TMEM170B: variants seen among roughly 807,000 people sequenced by gnomAD.
TMEM170B encodes transmembrane protein 170B.
A neutral mutation model predicts 13.0 loss-of-function variants in TMEM170B; 6 were observed. The ratio of observed to expected loss-of-function variants is 0.46; its 90% CI spans 0.25 to 0.91. The LOEUF (loss-of-function observed/expected upper bound fraction) is 0.91. Ranked by LOEUF, TMEM170B falls within the 40% of genes least tolerant of loss-of-function variation. The pLI is 0.17. For synonymous variants in TMEM170B, 61 were observed against 64.9 expected, an observed-to-expected ratio of 0.94 and a Z score of 0.29; for missense variants, 138 against 165.2, an observed-to-expected ratio of 0.84 and a Z score of 0.90.
intron 1 of TMEM170B, among the ~76,000 whole-genome samples, chr6:11,540,717 C>T (rs1759348269): frequency 6.6e-6 from 1 of 152,156 alleles, no homozygotes; most frequent in South Asian, 2.1e-4. Context: ...TGACTCCTTT[C>T]CAGAAGGTTT....
At chr6:11,565,576 C>T (rs1759722757) in intron 1 of TMEM170B, 90 bp from the exon 2 acceptor site, 1 of 1,395,650 alleles carries the variant, frequency 7.2e-7, no homozygotes, top group East Asian at 2.3e-5. Context: ...TGTCATTTAA[C>T]CTCCCAAACC....
chr6:11,552,300 C>G (rs1197379047), intron 1 of TMEM170B, among the ~76,000 whole-genome samples: 1 of 151,928 alleles, frequency 6.6e-6, no homozygotes, highest in Non-Finnish European at 1.5e-5. Flanking sequence ...ATATGATAAC[C>G]CAGATTTTTT....
intron 1 of TMEM170B, among the ~76,000 whole-genome samples, chr6:11,539,438 T>G (rs1168193967): frequency 1.3e-5 from 2 of 152,236 alleles, no homozygotes; most frequent in Non-Finnish European, 2.9e-5. Context: ...TAACCTGGGT[T>G]CATATATATA....
chr6:11,549,594 C>T (rs1042884802), intron 1 of TMEM170B, among the ~76,000 whole-genome samples: 3 of 151,154 alleles, frequency 2.0e-5, no homozygotes, highest in Non-Finnish European at 4.4e-5. Flanking sequence ...ACCCTGGAGG[C>T]GGAGCTTGCA....
At chr6:11,567,520 A>G (rs1759750754) in intron 2 of TMEM170B, among the ~76,000 whole-genome samples, 1 of 152,042 alleles carries the variant, frequency 6.6e-6, no homozygotes, top group African/African-American at 2.4e-5. Context: ...GGAAAGCCCT[A>G]CTCCCATGTT....
chr6:11,560,580 C>G (rs115924435), intron 1 of TMEM170B, among the ~76,000 whole-genome samples: 41 of 28,874 alleles, frequency 1.4e-3, no homozygotes, highest in African/African-American at 3.8e-3. Context: ...ACTGCTATCT[C>G]TTAAAAAAAA....
intron 1 of TMEM170B, among the ~76,000 whole-genome samples, chr6:11,553,792 T>C (rs1324207669): frequency 1.3e-5 from 2 of 152,210 alleles, no homozygotes; most frequent in East Asian, 1.9e-4. Flanking sequence ...ACTTTTAATA[T>C]ACTTATTTGT....
chr6:11,546,898 C>T (rs1759448341), intron 1 of TMEM170B, among the ~76,000 whole-genome samples: 1 of 152,206 alleles, frequency 6.6e-6, no homozygotes, highest in Non-Finnish European at 1.5e-5. Context: ...TTTTCCTACA[C>T]ATGCATACCT....
rs971257178 is a variant in TMEM170B at position 11,575,785 on chromosome 6, A to G, written c.*224A>G. 1 of 416,530 alleles carries G rather than the reference A, an allele frequency of 2.4e-6. No individual in the cohort carries two copies. Among genetic ancestry groups the G allele is most frequent in the African/African-American group, 2.0e-5 (1 of 49,996 alleles). 25.8% of individuals were successfully genotyped at this position (416,530 alleles called of 1,614,324 possible). The stretch of plus-strand genomic sequence containing the variant: ...CCTCTGTCTCAGGCAAGGTGCATTA[A>G]GACACTATGTAAAGTTACAAGAAAA... On this transcript the variant is annotated 3_prime_UTR_variant, in exon 3 of 3. Transcript: ENST00000379426. The surrounding 1 kb of genome is among the most constrained non-coding windows in gnomAD (Gnocchi z 4.1).
At position 11,551,892 on chromosome 6, in the gene TMEM170B, T is replaced by C. The variant is rs531246951; in HGVS notation, c.97+13518T>C. ...CAGGACATGATTATGTTGCTGCTCT[T>C]GGGTGCCTTGGAAAGCAAAGATGTT... On this transcript the variant is annotated intron_variant, in intron 1 of 2. Transcript: ENST00000379426. 3.3e-5 allele frequency among the ~76,000 whole-genome samples: 5 copies of C among 152,312 alleles called. No homozygotes were observed. In the East Asian group the frequency reaches 9.6e-4, roughly 29 times the overall value.
At chr6:11,554,725 C>T (rs1261545731) in intron 1 of TMEM170B, among the ~76,000 whole-genome samples, 1 of 152,030 alleles carries the variant, frequency 6.6e-6, no homozygotes, top group African/African-American at 2.4e-5. Flanking sequence ...ACAGTATTGC[C>T]ATGAATTTTA....
At position 11,579,470 on chromosome 6, in the gene TMEM170B, G is replaced by A. The variant is rs1392657593; in HGVS notation, c.*3909G>A. On this transcript the variant is annotated 3_prime_UTR_variant, in exon 3 of 3. Transcript: ENST00000379426. Reference sequence around the variant, plus strand: ...TTTTTTTAAATTACATTTTGCAATTGCATTACCAATTGAATATGTTGTTTT... The same window carrying A: ...TTTTTTTAAATTACATTTTGCAATTACATTACCAATTGAATATGTTGTTTT... The A allele has an allele frequency of 3.3e-5, 5 of 152,178 alleles. No homozygotes were observed. The highest frequency in any genetic ancestry group is 2.6e-4 in the Admixed American group (4 of 15,276). 9.4% of individuals were successfully genotyped at this position (152,178 alleles called of 1,614,324 possible).
intron 2 of TMEM170B, among the ~76,000 whole-genome samples, chr6:11,569,186 A>G (rs971501752): frequency 9.2e-5 from 14 of 152,090 alleles, no homozygotes; most frequent in East Asian, 3.9e-4. Flanking sequence ...ATATTTTTAT[A>G]TATTAGAGAT....
At chr6:11,547,500 C>T (rs1759455873) in intron 1 of TMEM170B, among the ~76,000 whole-genome samples, 1 of 152,162 alleles carries the variant, frequency 6.6e-6, no homozygotes, top group African/African-American at 2.4e-5. Context: ...GTATTTGTGT[C>T]AGACCTCCAT....
intron 1 of TMEM170B, among the ~76,000 whole-genome samples, chr6:11,552,817 C>G (rs557554057): frequency 6.6e-6 from 1 of 152,220 alleles, no homozygotes; most frequent in South Asian, 2.1e-4. Flanking sequence ...TGCACAGTCT[C>G]TATGGTATAG....
rs764819550 is a variant in TMEM170B at position 11,575,516 on chromosome 6, A to G, written c.354A>G (p.Val118=). The G allele has an allele frequency of 5.6e-6, 9 of 1,613,272 alleles. No individual in the cohort carries two copies. The Admixed American group carries it at 1.2e-4, about 21-fold the overall frequency. Residue 118 remains valine, a synonymous_variant, in exon 3 of 3, where the codon GTA becomes GTG. Transcript: ENST00000379426. This position sits in a 1 kb window ranked among gnomAD's most constrained non-coding sequence, Gnocchi z 4.1. The part of the protein sequence containing the change: ...EALVWGVGQT[V]LTLIISFSRI... Reference sequence around the variant, plus strand: ...TGGTATGGGGCGTTGGACAGACTGTACTGACATTAATCATCTCCTTTTCAA... The same window carrying G: ...TGGTATGGGGCGTTGGACAGACTGTGCTGACATTAATCATCTCCTTTTCAA...
At chr6:11,565,953 A>G (rs1759726744) in intron 2 of TMEM170B, 117 bp downstream of exon 2, 4 of 854,662 alleles carry the variant, frequency 4.7e-6, no homozygotes, top group South Asian at 4.6e-5. Context: ...TTATTTTTCA[A>G]CACTTAACAC....
In TMEM170B at chr6:11,581,274, C is replaced by T. The variant is rs672197; in HGVS notation, c.*5713C>T. 1.3e-5 allele frequency: 2 copies of T among 152,194 alleles called. No homozygotes were observed. The highest frequency in any genetic ancestry group is 1.3e-4 in the Admixed American group (2 of 15,282). The allele number at this position is 152,194 out of a possible 1,614,324, so 9.4% of individuals were successfully genotyped here. On this transcript the variant is annotated 3_prime_UTR_variant, in exon 3 of 3. Coordinates refer to ENST00000379426, the MANE Select transcript of TMEM170B (RefSeq NM_001100829.3). ...TAGCAATTTCCTAAAAATCTTCCTC[C>T]TCTTTCCATACAGATGTCGTATGTT...
intron 1 of TMEM170B, among the ~76,000 whole-genome samples, chr6:11,558,013 G>A (rs1759612919): frequency 6.6e-6 from 1 of 152,068 alleles, no homozygotes. Context: ...GGGCTCAAGC[G>A]ATCCTCCTGC....
Sources: allele counts gnomAD v4.1 joint callset (sites outside exome capture counted in the v4.1 genomes callset), GRCh38; gene constraint gnomAD v4.1.1; non-coding constraint Gnocchi (gnomAD v3.1); transcripts MANE v1.5; gene names NCBI Gene and HGNC (gene_info 2026-07-23, HGNC 2026-07-21).